Variants in ASZ1 observed in about 807,000 individuals in gnomAD.
ASZ1 encodes the protein ankyrin repeat, SAM and basic leucine zipper domain containing 1, also known as ankyrin repeat, SAM and basic leucine zipper domain-containing protein 1.
ASZ1 carries 67 observed loss-of-function variants against 61.8 expected under a neutral mutation model. The observed-to-expected ratio is 1.08, with a 90% CI of 0.89 to 1.33. The LOEUF (loss-of-function observed/expected upper bound fraction) is 1.33, where lower values mean the gene tolerates loss of function less well. Ranked by LOEUF, ASZ1 falls within the 40% of genes most tolerant of loss-of-function variation. The pLI is 0.00. For missense variants in ASZ1, 577 were observed against 554.5 expected (o/e 1.04, Z -0.41); for synonymous variants, 193 against 192.7 (o/e 1.00, Z -0.01).
At chr7:117,427,296 C>A (rs1350057403) in intron 1 of ASZ1, 60 bp downstream of exon 1, 17 of 1,564,130 alleles carry the variant, frequency 1.1e-5, no homozygotes, top group African/African-American at 1.4e-5. Context: ...CTGGGCCTCG[C>A]CTTCGAGGGC....
At position 117,420,216 on chromosome 7, in the gene ASZ1, C is replaced by G. The variant is rs775278203; in HGVS notation, c.387G>C (p.Leu129Phe). The change falls in exon 4 of 13, where the codon TTG (leucine) becomes TTC (phenylalanine). Residue 129 changes from leucine (L) to phenylalanine (F), a missense_variant. Leu to Phe is a conservative substitution (Grantham distance 22, BLOSUM62 0). Coordinates refer to ENST00000284629, the MANE Select transcript of ASZ1 (RefSeq NM_130768.3). Reference protein sequence around the residue: ...CSAHGSEEQILKCVELLLSRN... With the variant: ...CSAHGSEEQIFKCVELLLSRN... ...TTGAAAGTAGTAGTTCTACACACTT[C>G]AAGATCTGTTCCTCTGAGCCATGAG... 1 of 1,612,774 alleles carries G rather than the reference C, an allele frequency of 6.2e-7. No homozygotes were observed. Among genetic ancestry groups the G allele is most frequent in the Admixed American group, 1.7e-5 (1 of 60,004 alleles).
intron 4 of ASZ1, among the ~76,000 whole-genome samples, chr7:117,390,606 T>C (rs138822119): frequency 6.4e-4 from 98 of 152,324 alleles, no homozygotes; most frequent in African/African-American, 2.2e-3. Flanking sequence ...CTTTGAGAAA[T>C]CTCCAAACTG....
intron 10 of ASZ1, among the ~76,000 whole-genome samples, chr7:117,371,104 C>T (rs748904633): frequency 2.0e-5 from 3 of 152,054 alleles, no homozygotes; most frequent in African/African-American, 4.8e-5. Context: ...ACATTATAGG[C>T]GTGAGCCACC....
At chr7:117,400,764 A>T (rs1469656516) in intron 4 of ASZ1, among the ~76,000 whole-genome samples, 2 of 152,202 alleles carry the variant, frequency 1.3e-5, no homozygotes, top group African/African-American at 4.8e-5. Context: ...ATAGCAGAGG[A>T]AATAAAAATT....
intron 10 of ASZ1, among the ~76,000 whole-genome samples, chr7:117,375,240 C>T (rs1796116088): frequency 6.6e-6 from 1 of 151,940 alleles, no homozygotes; most frequent in Admixed American, 6.6e-5. Flanking sequence ...GGTTTGTATT[C>T]TATGCTACGG....
At position 117,363,517 on chromosome 7, in the gene ASZ1, G is replaced by A. The variant is rs1471412395; in HGVS notation, c.*79C>T. 2 of 1,203,164 alleles carry A rather than the reference G, an allele frequency of 1.7e-6. No individual in the cohort carries two copies. Among genetic ancestry groups the A allele is most frequent in the Non-Finnish European group, 2.2e-6 (2 of 909,128 alleles). The allele number at this position is 1,203,164 out of a possible 1,614,324, so 74.5% of individuals were successfully genotyped here. A position where few individuals can be genotyped will look rare whatever the true frequency, so the allele number is the denominator to read the frequency against. On this transcript the variant is annotated 3_prime_UTR_variant, in exon 13 of 13. Coordinates refer to ENST00000284629, the MANE Select transcript of ASZ1 (RefSeq NM_130768.3). ...TTGGCAAAGAATGTAAAGTTATATT[G>A]TGCTGCAAACAGTTAAAAGCAATGA...
At chr7:117,374,315 T>G (rs927760147) in intron 10 of ASZ1, among the ~76,000 whole-genome samples, 1 of 152,146 alleles carries the variant, frequency 6.6e-6, no homozygotes, top group Non-Finnish European at 1.5e-5. Context: ...TTTGCAAGTA[T>G]AGGATATAAT....
Position 117,408,342 on chromosome 7 carries a change from A to G in ASZ1, c.440+11821T>C, listed in dbSNP as rs550370279. Among the ~76,000 whole-genome samples the G allele has an allele frequency of 3.9e-5, 6 of 152,300 alleles. No homozygotes were observed. The East Asian group carries it at 9.6e-4, about 24-fold the overall frequency. On this transcript the variant is annotated intron_variant, in intron 4 of 12. Coordinates refer to ENST00000284629, the MANE Select transcript of ASZ1 (RefSeq NM_130768.3). ...CAAATATTTTAACCAAACATGCTTT[A>G]TATCATTCAAAAGATCACCCCTATC... is the stretch of plus-strand genomic sequence containing the variant.
At chr7:117,394,091 A>G (rs1342980120) in intron 4 of ASZ1, among the ~76,000 whole-genome samples, 3 of 152,108 alleles carry the variant, frequency 2.0e-5, no homozygotes. Context: ...TTTATCATAA[A>G]TACTCTCCCC....
rs779463173 is a variant in ASZ1 at position 117,363,661 on chromosome 7, C to T, written c.1363G>A (p.Ala455Thr). 6.2e-7 allele frequency: 1 copy of T among 1,610,056 alleles called. No individual in the cohort carries two copies. The highest frequency in any genetic ancestry group is 8.5e-7 in the Non-Finnish European group (1 of 1,178,002). The change falls in exon 13 of 13, where the codon GCT becomes ACT. Residue 455 changes from alanine to threonine, a missense_variant. Transcript: ENST00000284629. ...AAACCGAATCCGCATATGGTAATAG[C>T]TGTCCTCTTCAAAATTCTACTATTC... is the stretch of plus-strand genomic sequence containing the variant. ...TWNSRILKRT[A>T]ITICGFGFLL...
At chr7:117,423,689 C>CAA (rs60144830) in intron 2 of ASZ1, among the ~76,000 whole-genome samples, 9,445 of 76,326 alleles carry the variant, frequency 0.12, 691 homozygotes, top group East Asian at 0.43. Context: ...ACTAAAAATA[C>CAA]AAAAAAAAAA....
chr7:117,379,986 T>G lies in ASZ1; in HGVS notation c.1007A>C (p.Glu336Ala). 6.2e-7 allele frequency: 1 copy of G among 1,607,914 alleles called. No homozygotes were observed. The highest frequency in any genetic ancestry group is 8.5e-7 in the Non-Finnish European group (1 of 1,176,836). The change falls in exon 10 of 13, where the codon GAA (glutamate) becomes GCA (alanine). Residue 336 changes from glutamate to alanine, a missense_variant. Coordinates refer to ENST00000284629, the MANE Select transcript of ASZ1 (RefSeq NM_130768.3). ...AGATAGCTCTCCAAATTGTATCTCT[T>G]CTACCTGTAGTTCTTTAAGAGCAGC... The part of the protein sequence containing the change: ...ILAALKELQV[E>A]EIQFGELSEE...
rs112471641 is a variant in ASZ1, at chr7:117,401,212, T to C, written c.441-15403A>G. 6.0e-3 allele frequency among the ~76,000 whole-genome samples: 917 copies of C among 152,056 alleles called. 7 individuals are homozygous for C. Among genetic ancestry groups the C allele is most frequent in the Non-Finnish European group, 9.5e-3 (648 of 67,956 alleles). ...AGAAACAAATGGGATATAGATGTAA[T>C]GGTTTAAATCTCAATTGGAGAGGAG... is the stretch of plus-strand genomic sequence containing the variant. On this transcript the variant is annotated intron_variant, in intron 4 of 12. Transcript: ENST00000284629.
chr7:117,408,888 C>T (rs1796841197), intron 4 of ASZ1, among the ~76,000 whole-genome samples: 1 of 151,850 alleles, frequency 6.6e-6, no homozygotes, highest in Non-Finnish European at 1.5e-5. Flanking sequence ...GAAGAATGTT[C>T]TATATTTTGA....
intron 10 of ASZ1, among the ~76,000 whole-genome samples, chr7:117,372,178 G>T (rs1796061906): frequency 6.6e-6 from 1 of 152,252 alleles, no homozygotes; most frequent in African/African-American, 2.4e-5. Flanking sequence ...AAGCAGATAT[G>T]ACATAGGTAT....
At chr7:117,382,937 A>T in intron 7 of ASZ1, 49 bp downstream of exon 7, 1 of 1,450,430 alleles carries the variant, frequency 6.9e-7, no homozygotes. Context: ...TAAAATATAC[A>T]CAAATTTTAC....
chr7:117,415,698 G>C (rs909766631), intron 4 of ASZ1, among the ~76,000 whole-genome samples: 9 of 151,566 alleles, frequency 5.9e-5, no homozygotes. Flanking sequence ...ACATAAAGGG[G>C]AACTCTGAAA....
At chr7:117,381,104 A>G (rs1364209768) in intron 8 of ASZ1, 37 bp from the exon 9 acceptor site, 1 of 1,490,830 alleles carries the variant, frequency 6.7e-7, no homozygotes, top group Non-Finnish European at 9.1e-7. Flanking sequence ...TTTCCATATA[A>G]TTAAAATAGT....
Position 117,363,651 on chromosome 7 carries a change from A to T in ASZ1, c.1373T>A (p.Ile458Lys), listed in dbSNP as rs754200661. 6.2e-7 allele frequency: 1 copy of T among 1,608,670 alleles called. No homozygotes were observed. Among genetic ancestry groups the T allele is most frequent in the Non-Finnish European group, 8.5e-7 (1 of 1,177,808 alleles). ...GAAAAGAAGAAAACCGAATCCGCAT[A>T]TGGTAATAGCTGTCCTCTTCAAAAT... ...SRILKRTAIT[I>K]CGFGFLLFIC... Residue 458 changes from isoleucine to lysine, a missense_variant, in exon 13 of 13, where the codon ATA becomes AAA. Ile to Lys is a moderately radical substitution (Grantham distance 102, BLOSUM62 -3). Coordinates refer to ENST00000284629, the MANE Select transcript of ASZ1 (RefSeq NM_130768.3).
Sources: allele counts gnomAD v4.1 joint callset (sites outside exome capture counted in the v4.1 genomes callset), GRCh38; gene constraint gnomAD v4.1.1; transcripts MANE v1.5; gene names NCBI Gene and HGNC (gene_info 2026-07-23, HGNC 2026-07-21).